OTOGL: variants seen among roughly 807,000 people sequenced by gnomAD.
OTOGL encodes the protein otogelin-like protein.
OTOGL carries 285 observed loss-of-function variants against 318.5 expected under a neutral mutation model. The observed-to-expected ratio is 0.89, with a 90% CI of 0.81 to 0.99. The LOEUF is 0.99. Among genes scored for constraint, OTOGL ranks in the 50% least tolerant of loss-of-function variants. OTOGL has a pLI of 0.00. For synonymous variants in OTOGL, 987 were observed against 936.5 expected (o/e 1.05, Z -0.99); for missense variants, 2,899 against 2,845.6 (o/e 1.02, Z -0.43).
chr12:80,196,674 C>T (rs549841423), intron 1 of OTOGL, among the ~76,000 whole-genome samples: 1 of 152,266 alleles, frequency 6.6e-6, no homozygotes, highest in East Asian at 1.9e-4. Flanking sequence ...GGCTGAGGAC[C>T]TTTGCTATAC....
intron 1 of OTOGL, among the ~76,000 whole-genome samples, chr12:80,158,879 C>T (rs1008053787): frequency 5.9e-5 from 9 of 151,662 alleles, no homozygotes; most frequent in Middle Eastern, 3.4e-3. Flanking sequence ...GTTGAATAGA[C>T]GGGGTGAGAG....
At chr12:80,371,182 C>A (rs1890855741) in intron 56 of OTOGL, among the ~76,000 whole-genome samples, 1 of 152,074 alleles carries the variant, frequency 6.6e-6, no homozygotes, top group African/African-American at 2.4e-5. Context: ...TTTCCCTATT[C>A]TTTCAGAGAA....
intron 24 of OTOGL, among the ~76,000 whole-genome samples, chr12:80,277,241 A>C (rs1389242058): frequency 6.8e-6 from 1 of 146,664 alleles, no homozygotes; most frequent in Non-Finnish European, 1.5e-5. Context: ...TATATTTATA[A>C]TTAATTACAA....
intron 18 of OTOGL, among the ~76,000 whole-genome samples, chr12:80,259,629 G>A (rs1222364897): frequency 6.6e-6 from 1 of 151,882 alleles, no homozygotes; most frequent in Admixed American, 6.6e-5. Flanking sequence ...GAGAACATGC[G>A]GTGATTGGTT....
chr12:80,281,682 T>G (rs1162760013), intron 26 of OTOGL, among the ~76,000 whole-genome samples: 1 of 151,892 alleles, frequency 6.6e-6, no homozygotes, highest in Non-Finnish European at 1.5e-5. Context: ...TCTGCCAGGT[T>G]TTGGTATTTC....
chr12:80,165,308 G>A (rs2137202704), intron 1 of OTOGL, among the ~76,000 whole-genome samples: 1 of 152,238 alleles, frequency 6.6e-6, no homozygotes. Flanking sequence ...AATCTTTGCT[G>A]TGGACATATA....
At position 80,255,165 on chromosome 12, in the gene OTOGL, C is replaced by T. The variant is rs1325710910; in HGVS notation, c.1567C>T (p.Gln523Ter). The change falls in exon 16 of 59, where the codon CAG (glutamine) becomes TAG (stop). Residue 523 changes from glutamine to a stop codon, truncating the protein, a stop_gained. Transcript: ENST00000547103. LOFTEE classifies it high-confidence loss of function. ...TGKDKFTITL[Q>*]KAPCEQNLGL... ...AAAAGATAAATTCACGATTACTTTACAGAAAGCTCCCTGTGAGCAGGTAAG... is the reference window on the plus strand; with the variant it reads ...AAAAGATAAATTCACGATTACTTTATAGAAAGCTCCCTGTGAGCAGGTAAG... 159 of 1,516,206 alleles carry T rather than the reference C, an allele frequency of 1.0e-4. No homozygotes were observed. Among genetic ancestry groups the T allele is most frequent in the Non-Finnish European group, 1.4e-4 (159 of 1,137,392 alleles). 93.9% of individuals were successfully genotyped at this position (1,516,206 alleles called of 1,614,324 possible).
intron 26 of OTOGL, among the ~76,000 whole-genome samples, chr12:80,281,863 A>G (rs1884259609): frequency 6.6e-6 from 1 of 151,890 alleles, no homozygotes; most frequent in African/African-American, 2.4e-5. Context: ...ATAAAGTGAG[A>G]GTTCAATAAA....
At chr12:80,119,107 A>G (rs757317252) in intron 1 of OTOGL, among the ~76,000 whole-genome samples, 10 of 152,180 alleles carry the variant, frequency 6.6e-5, no homozygotes, top group Non-Finnish European at 1.3e-4. Context: ...AAGAGAGGAA[A>G]CAGCATCAAG....
At chr12:80,157,525 C>T (rs971475847) in intron 1 of OTOGL, among the ~76,000 whole-genome samples, 2 of 152,032 alleles carry the variant, frequency 1.3e-5, no homozygotes, top group Non-Finnish European at 2.9e-5. Context: ...GGAGAGTTTT[C>T]CAAATGTTTT....
At chr12:80,282,392 A>G (rs1361855857) in intron 26 of OTOGL, among the ~76,000 whole-genome samples, 2 of 151,824 alleles carry the variant, frequency 1.3e-5, no homozygotes, top group Non-Finnish European at 2.9e-5. Flanking sequence ...GTTCTTGCTT[A>G]TGTTTTACGT....
intron 1 of OTOGL, among the ~76,000 whole-genome samples, chr12:80,169,808 G>A (rs1316663422): frequency 6.6e-6 from 1 of 152,136 alleles, no homozygotes. Context: ...CTATCACTTA[G>A]CAGGACACAT....
At chr12:80,260,508 C>T (rs113327363) in intron 18 of OTOGL, among the ~76,000 whole-genome samples, 1 of 152,142 alleles carries the variant, frequency 6.6e-6, no homozygotes, top group Non-Finnish European at 1.5e-5. Flanking sequence ...CAAGATGATA[C>T]TTCAGAGTCA....
chr12:80,355,701 GT>G, intron 46 of OTOGL, 34 bp from the exon 47 acceptor site: 1 of 1,551,030 alleles, frequency 6.4e-7, no homozygotes, highest in Non-Finnish European at 8.8e-7. Context: ...TAGTGCCCAG[GT>G]TTTGAGTGTT....
chr12:80,190,604 G>A (rs376952196), intron 1 of OTOGL, among the ~76,000 whole-genome samples: 7 of 151,744 alleles, frequency 4.6e-5, no homozygotes, highest in Admixed American at 6.6e-5. Context: ...TGGCTAACAC[G>A]GTGAAACCCC....
chr12:80,240,589 T>C (rs1880288643), intron 11 of OTOGL, among the ~76,000 whole-genome samples: 1 of 151,870 alleles, frequency 6.6e-6, no homozygotes, highest in African/African-American at 2.4e-5. Context: ...AAAATGAAAA[T>C]ATAAAAATAT....
chr12:80,208,964 T>C (rs1877026128), intron 1 of OTOGL, among the ~76,000 whole-genome samples: 1 of 152,166 alleles, frequency 6.6e-6, no homozygotes, highest in Non-Finnish European at 1.5e-5. Flanking sequence ...TAGGAAAGAT[T>C]GACAGGGTTT....
intron 1 of OTOGL, among the ~76,000 whole-genome samples, chr12:80,144,923 T>G (rs1872236062): frequency 6.6e-6 from 1 of 151,158 alleles, no homozygotes; most frequent in Non-Finnish European, 1.5e-5. Flanking sequence ...TTCTTGTAAA[T>G]TTGTTTGAGT....
intron 1 of OTOGL, among the ~76,000 whole-genome samples, chr12:80,206,349 G>A (rs893176763): frequency 2.0e-5 from 3 of 152,044 alleles, no homozygotes; most frequent in Non-Finnish European, 4.4e-5. Context: ...AAGGACTTGG[G>A]ATTTTTGTTA....
Sources: allele counts gnomAD v4.1 joint callset (sites outside exome capture counted in the v4.1 genomes callset), GRCh38; gene constraint gnomAD v4.1.1; transcripts MANE v1.5; gene names NCBI Gene and HGNC (gene_info 2026-07-23, HGNC 2026-07-21).